OLA1: variants seen among roughly 807,000 people sequenced by gnomAD.
OLA1 encodes Obg like ATPase 1.
In OLA1, 14 loss-of-function variants were observed where a neutral mutation model predicts 48.4. The ratio of observed to expected loss-of-function variants is 0.29; its 90% CI spans 0.19 to 0.45. The LOEUF (loss-of-function observed/expected upper bound fraction) is 0.45. Among genes scored for constraint, OLA1 ranks in the 20% least tolerant of loss-of-function variants. The probability of loss-of-function intolerance (pLI) is 1.00; values close to 1 mark genes in which losing one functional copy is unlikely to be tolerated. For missense variants in OLA1, 325 were observed against 467.1 expected, an observed-to-expected ratio of 0.70 and a Z score of 2.80; for synonymous variants, 127 against 150.4, an observed-to-expected ratio of 0.84 and a Z score of 1.14.
At chr2:174,206,995 T>C (rs1283813535) in intron 4 of OLA1, among the ~76,000 whole-genome samples, 2 of 152,132 alleles carry the variant, frequency 1.3e-5, no homozygotes, top group South Asian at 2.1e-4. Flanking sequence ...TAGGCAAAAA[T>C]GTGTGACTCA....
intron 2 of OLA1, among the ~76,000 whole-genome samples, chr2:174,238,160 T>A (rs1688903118): frequency 6.6e-6 from 1 of 152,108 alleles, no homozygotes; most frequent in Non-Finnish European, 1.5e-5. Context: ...AATGAAGAAG[T>A]GATAAGCACA....
chr2:174,075,922 G>A (rs1684725306), intron 10 of OLA1, among the ~76,000 whole-genome samples: 1 of 152,192 alleles, frequency 6.6e-6, no homozygotes, highest in Non-Finnish European at 1.5e-5. Flanking sequence ...GTTAAAAGCT[G>A]CTTTATTTGC....
At chr2:174,127,825 T>C (rs1310216962) in intron 5 of OLA1, among the ~76,000 whole-genome samples, 1 of 152,164 alleles carries the variant, frequency 6.6e-6, no homozygotes, top group Non-Finnish European at 1.5e-5. Context: ...GACCCTGCAC[T>C]GAAAATTTCT....
chr2:174,247,986 C>G, intron 1 of OLA1: 2 of 537,026 alleles, frequency 3.7e-6, no homozygotes, highest in Non-Finnish European at 6.5e-6. Context: ...CCTAGGACCA[C>G]GCTGGGGCCC....
chr2:174,232,083 C>A (rs1023030766), intron 2 of OLA1, among the ~76,000 whole-genome samples: 1 of 152,068 alleles, frequency 6.6e-6, no homozygotes, highest in African/African-American at 2.4e-5. Flanking sequence ...TAACTTATTT[C>A]AGCAATGATA....
At chr2:174,143,039 C>T (rs1686496460) in intron 4 of OLA1, among the ~76,000 whole-genome samples, 1 of 152,062 alleles carries the variant, frequency 6.6e-6, no homozygotes, top group Non-Finnish European at 1.5e-5. Flanking sequence ...GTGAACACAG[C>T]TCATTCTTAA....
At chr2:174,148,375 G>A (rs999875149) in intron 4 of OLA1, among the ~76,000 whole-genome samples, 11 of 152,122 alleles carry the variant, frequency 7.2e-5, no homozygotes, top group African/African-American at 1.4e-4. Flanking sequence ...AGCGACAAGA[G>A]TGAGACTACA....
chr2:174,229,527 G>T, intron 2 of OLA1, 76 bp from the exon 3 acceptor site: 1 of 1,030,728 alleles, frequency 9.7e-7, no homozygotes, highest in Non-Finnish European at 1.5e-6. Context: ...TAATTTCAAT[G>T]CTCAAATAAG....
intron 2 of OLA1, among the ~76,000 whole-genome samples, chr2:174,243,570 T>C (rs1213670322): frequency 6.6e-6 from 1 of 152,178 alleles, no homozygotes; most frequent in East Asian, 1.9e-4. Flanking sequence ...TTACTAAATA[T>C]CTACTATGTT....
At chr2:174,174,035 C>CAA (rs112671944) in intron 4 of OLA1, among the ~76,000 whole-genome samples, 30 of 135,624 alleles carry the variant, frequency 2.2e-4, no homozygotes, top group African/African-American at 4.8e-4. Flanking sequence ...CACACACACA[C>CAA]AAAAAAAAAA....
chr2:174,164,257 T>C (rs189060097), intron 4 of OLA1, among the ~76,000 whole-genome samples: 270 of 120,856 alleles, frequency 2.2e-3, no homozygotes, highest in Non-Finnish European at 3.7e-3. Flanking sequence ...AATAGACTAA[T>C]ACACACAGCA....
At chr2:174,239,810 C>T (rs1003142556) in intron 2 of OLA1, among the ~76,000 whole-genome samples, 20 of 151,072 alleles carry the variant, frequency 1.3e-4, no homozygotes, top group Non-Finnish European at 2.9e-5. Context: ...GGAAGCATCA[C>T]TTGAGCCCAG....
chr2:174,235,377 A>G (rs982516952), intron 2 of OLA1, among the ~76,000 whole-genome samples: 2 of 152,196 alleles, frequency 1.3e-5, no homozygotes, highest in African/African-American at 4.8e-5. Flanking sequence ...AGCAGACAGT[A>G]AGATTTAAAT....
At chr2:174,185,045 T>C (rs1687622783) in intron 4 of OLA1, among the ~76,000 whole-genome samples, 1 of 152,196 alleles carries the variant, frequency 6.6e-6, no homozygotes, top group South Asian at 2.1e-4. Flanking sequence ...AATCTTAACA[T>C]AAATGGTCCA....
intron 4 of OLA1, among the ~76,000 whole-genome samples, chr2:174,195,527 C>T (rs895753780): frequency 1.3e-5 from 2 of 152,158 alleles, no homozygotes; most frequent in African/African-American, 4.8e-5. Context: ...ATACTGCTCA[C>T]ATCAAAGCAA....
intron 4 of OLA1, among the ~76,000 whole-genome samples, chr2:174,212,082 G>T (rs1221403530): frequency 6.6e-6 from 1 of 151,948 alleles, no homozygotes; most frequent in Non-Finnish European, 1.5e-5. Flanking sequence ...TTAATAATGG[G>T]GACACATCTG....
At chr2:174,216,052 T>G (rs1688354293) in intron 4 of OLA1, among the ~76,000 whole-genome samples, 1 of 152,112 alleles carries the variant, frequency 6.6e-6, no homozygotes, top group Non-Finnish European at 1.5e-5. Context: ...TCCCAGCACT[T>G]TGGGAGGCCA....
intron 5 of OLA1, among the ~76,000 whole-genome samples, chr2:174,130,575 A>T (rs1004490771): frequency 2.6e-5 from 4 of 152,300 alleles, no homozygotes; most frequent in African/African-American, 7.2e-5. Flanking sequence ...TCAGCAAAGG[A>T]TCTGGCTATT....
chr2:174,188,188 A>C (rs972187642), intron 4 of OLA1, among the ~76,000 whole-genome samples: 1 of 152,168 alleles, frequency 6.6e-6, no homozygotes, highest in Non-Finnish European at 1.5e-5. Flanking sequence ...ATGCGTTCAT[A>C]ACAGAACAAG....
Sources: gnomAD v4.1 joint callset for allele counts (sites outside exome capture counted in the v4.1 genomes callset) on GRCh38, gnomAD v4.1.1 for gene constraint, MANE v1.5 for transcripts, NCBI Gene and HGNC (gene_info 2026-07-23, HGNC 2026-07-21) for gene names.